Variants in LPA observed in about 807,000 individuals in gnomAD.
The protein encoded by LPA is apolipoprotein(a).
A neutral mutation model predicts 197.9 loss-of-function variants in LPA; 199 were observed. The ratio of observed to expected loss-of-function variants is 1.01; its 90% CI spans 0.90 to 1.13. LPA has a LOEUF of 1.13. LPA is among the 50% of genes most tolerant of loss of function. LPA has a pLI of 0.00. For missense variants in LPA, 1,853 were observed against 1,785.8 expected, an observed-to-expected ratio of 1.04 and a Z score of -0.68; for synonymous variants, 715 against 639.5, an observed-to-expected ratio of 1.12 and a Z score of -1.78.
intron 18 of LPA, among the ~76,000 whole-genome samples, chr6:160,602,817 TG>T (rs1779269753): frequency 6.6e-6 from 1 of 152,214 alleles, no homozygotes; most frequent in South Asian, 2.1e-4. Context: ...ATCATTTTAA[TG>T]ATATCCCCTG....
At chr6:160,595,631 A>T (rs1779118074) in intron 20 of LPA, 96 bp from the exon 21 acceptor site, 1 of 1,569,620 alleles carries the variant, frequency 6.4e-7, no homozygotes, top group East Asian at 2.3e-5. Flanking sequence ...GTGTAAAAAG[A>T]GACTTTGAAA....
At chr6:160,577,375 G>T in intron 27 of LPA, 80 bp from the exon 28 acceptor site, 1 of 1,315,092 alleles carries the variant, frequency 7.6e-7, no homozygotes, top group Non-Finnish European at 1.1e-6. Flanking sequence ...TCACATACTG[G>T]ACAGTAGCCT....
In LPA at chr6:160,586,457, G is replaced by A. The variant is rs753096833; in HGVS notation, c.4121C>T (p.Ser1374Phe). The A allele has an allele frequency of 1.2e-6, 2 of 1,613,560 alleles. No individual in the cohort carries two copies. Among genetic ancestry groups the A allele is most frequent in the South Asian group, 2.2e-5 (2 of 91,066 alleles). The change falls in exon 25 of 39, where the codon TCT becomes TTT. Residue 1374 changes from serine (S) to phenylalanine (F), a missense_variant. Ser to Phe is a radical substitution (Grantham distance 155, BLOSUM62 -2). Coordinates refer to ENST00000316300, the MANE Select transcript of LPA (RefSeq NM_005577.4). The stretch of plus-strand genomic sequence containing the variant: ...GACTGCAGGCTTCTTACCTTCTTCA[G>A]AAGGAAGCTCTGTGCTTGGAACTGG... ...VVPVPSTELPSEEAPTENSTG... is the reference protein window; with the variant it reads ...VVPVPSTELPFEEAPTENSTG...
chr6:160,660,474 A>C (rs1267626542), intron 1 of LPA, among the ~76,000 whole-genome samples: 1 of 152,172 alleles, frequency 6.6e-6, no homozygotes, highest in Non-Finnish European at 1.5e-5. Flanking sequence ...AATAAGAATA[A>C]ATCATGTTTG....
chr6:160,660,523 C>A (rs1305942421), intron 1 of LPA, among the ~76,000 whole-genome samples: 1 of 152,208 alleles, frequency 6.6e-6, no homozygotes, highest in East Asian at 1.9e-4. Context: ...AATAAGACAC[C>A]ATCAGTGGCA....
intron 28 of LPA, among the ~76,000 whole-genome samples, chr6:160,564,411 T>A (rs896403645): frequency 6.6e-6 from 1 of 152,164 alleles, no homozygotes; most frequent in Admixed American, 6.5e-5. Context: ...TGGCACTGGA[T>A]GTTTCCTGCC....
rs1426684616 is a variant in LPA at position 160,601,031 on chromosome 6, G to C, written c.3013C>G (p.Pro1005Ala). 3.7e-6 allele frequency: 6 copies of C among 1,613,978 alleles called. No individual in the cohort carries two copies. The highest frequency in any genetic ancestry group is 4.2e-6 in the Non-Finnish European group (5 of 1,179,978). Residue 1005 changes from proline (P) to alanine (A), a missense_variant, in exon 19 of 39, where the codon CCC becomes GCC. Pro to Ala is a conservative substitution (Grantham distance 27). Transcript: ENST00000316300. Reference protein sequence around the residue: ...VAAPWCYTTDPSVRWEYCNLT... With the variant: ...VAAPWCYTTDASVRWEYCNLT... ...TTGCAGTACTCCCACCTGACACTGG[G>C]ATCTGTTGTATAACACCAAGGGGCT...
At chr6:160,543,755 T>C (rs908889791) in intron 33 of LPA, among the ~76,000 whole-genome samples, 13 of 152,266 alleles carry the variant, frequency 8.5e-5, no homozygotes, top group Admixed American at 7.2e-4. Flanking sequence ...TGAATGTTTC[T>C]ATTTATTTTT....
intron 30 of LPA, among the ~76,000 whole-genome samples, chr6:160,551,083 A>T (rs1353272371): frequency 2.0e-5 from 3 of 152,210 alleles, no homozygotes; most frequent in African/African-American, 7.2e-5. Context: ...GTAGGGTAAA[A>T]GTGCATTTAT....
At chr6:160,572,349 G>A (rs1778578391) in intron 28 of LPA, among the ~76,000 whole-genome samples, 1 of 152,130 alleles carries the variant, frequency 6.6e-6, no homozygotes, top group South Asian at 2.1e-4. Context: ...AACTCTTTTT[G>A]TATCCTTTAA....
chr6:160,654,071 ATAATATATATTAT>A (rs1780083415), intron 1 of LPA, among the ~76,000 whole-genome samples: 2 of 57,760 alleles, frequency 3.5e-5, no homozygotes, highest in Non-Finnish European at 5.9e-5. Context: ...TATATTATAT[ATAATATATATTAT>A]ATATATTATA....
intron 28 of LPA, among the ~76,000 whole-genome samples, chr6:160,562,904 A>G (rs1362934193): frequency 6.6e-6 from 1 of 152,064 alleles, no homozygotes; most frequent in Non-Finnish European, 1.5e-5. Flanking sequence ...CTGTGGCATC[A>G]TTGGTGATAT....
intron 27 of LPA, 84 bp downstream of exon 27, chr6:160,578,439 T>TG: frequency 6.5e-7 from 1 of 1,535,162 alleles, no homozygotes; most frequent in Non-Finnish European, 9.0e-7. Context: ...AACCCTCCAG[T>TG]GTACCACTGA....
At chr6:160,655,046 G>T (rs1483617898) in intron 1 of LPA, among the ~76,000 whole-genome samples, 1 of 152,162 alleles carries the variant, frequency 6.6e-6, no homozygotes, top group African/African-American at 2.4e-5. Flanking sequence ...TTCAGGACCT[G>T]CTCAAGCCCG....
chr6:160,599,639 CG>C lies in LPA; in HGVS notation c.3147del (p.Val1051TyrfsTer31), dbSNP rs760356619. ...TAATGGTAGTAGCAGTCCTGTACCCCGGGGGTTTCCTCAGTCAGTGCTGAAA... is the reference window on the plus strand; with the variant it reads ...TAATGGTAGTAGCAGTCCTGTACCCCGGGGTTTCCTCAGTCAGTGCTGAAA... ...FFEQALTEET[P>X]GVQDCYYHYG... On this transcript the variant is annotated frameshift_variant, in exon 20 of 39. Coordinates refer to ENST00000316300, the MANE Select transcript of LPA (RefSeq NM_005577.4). LOFTEE classifies it high-confidence loss of function. The C allele has an allele frequency of 5.0e-6, 8 of 1,613,876 alleles. No homozygotes were observed. The highest frequency in any genetic ancestry group is 5.1e-6 in the Non-Finnish European group (6 of 1,179,956).
chr6:160,597,023 TG>T (rs1169460432), intron 20 of LPA, among the ~76,000 whole-genome samples: 2 of 152,206 alleles, frequency 1.3e-5, no homozygotes, highest in African/African-American at 4.8e-5. Context: ...CACTTTATTC[TG>T]GGAGAATAAA....
Position 160,589,709 on chromosome 6 carries a change from G to A in LPA, c.3791C>T (p.Pro1264Leu), listed in dbSNP as rs1489004170. The A allele has an allele frequency of 3.1e-6, 5 of 1,613,662 alleles. No homozygotes were observed. The South Asian group carries it at 4.4e-5, about 14-fold the overall frequency. Residue 1264 changes from proline (P) to leucine (L), a missense_variant, in exon 24 of 39, where the codon CCA becomes CTA. Coordinates refer to ENST00000316300, the MANE Select transcript of LPA (RefSeq NM_005577.4). Reference sequence around the variant, plus strand: ...CTGGACTGTGGGGCTTTGCTCCGTTGGTGCTGAAATTCAAAGAGGAGAAAA... The same window carrying A: ...CTGGACTGTGGGGCTTTGCTCCGTTAGTGCTGAAATTCAAAGAGGAGAAAA... Reference protein sequence around the residue: ...ATSTAVSEQAPTEQSPTVQDC... With the variant: ...ATSTAVSEQALTEQSPTVQDC...
At chr6:160,610,276 A>T (rs1779464520) in intron 16 of LPA, among the ~76,000 whole-genome samples, 1 of 152,132 alleles carries the variant, frequency 6.6e-6, no homozygotes, top group Admixed American at 6.5e-5. Context: ...TTCCTCTCAC[A>T]GGCACTTCAT....
chr6:160,592,113 A>G (rs1779041527), intron 22 of LPA, among the ~76,000 whole-genome samples: 1 of 152,142 alleles, frequency 6.6e-6, no homozygotes, highest in Non-Finnish European at 1.5e-5. Flanking sequence ...AACTTCTGTC[A>G]CATTATCTTT....
Sources: gnomAD v4.1 joint callset for allele counts (sites outside exome capture counted in the v4.1 genomes callset) on GRCh38, gnomAD v4.1.1 for gene constraint, MANE v1.5 for transcripts, NCBI Gene and HGNC (gene_info 2026-07-23, HGNC 2026-07-21) for gene names.